The following QTMAN variants were observed in gnomAD, a reference collection of about 807,000 sequenced individuals.
QTMAN encodes the protein tRNA-queuosine alpha-mannosyltransferase.
At chr2:144,142,051 C>T in the QTMAN span, 7 of 1,607,382 alleles carry the variant, frequency 4.4e-6, no homozygotes, top group Non-Finnish European at 6.0e-6. Flanking sequence ...ACATCAGCCA[C>T]CAGGCTGTAA....
chr2:144,212,637 GTAAA>G, the QTMAN span, among the ~76,000 whole-genome samples: 2 of 152,124 alleles, frequency 1.3e-5, no homozygotes, highest in Non-Finnish European at 2.9e-5. Context: ...TAAGAAAAGA[GTAAA>G]TGGCCACTCC....
chr2:144,318,524 A>C, the QTMAN span, among the ~76,000 whole-genome samples: 1 of 152,170 alleles, frequency 6.6e-6, no homozygotes, highest in Non-Finnish European at 1.5e-5. Context: ...ATTCCACATA[A>C]AGCTATTGTA....
At chr2:144,063,008 T>C in the QTMAN span, among the ~76,000 whole-genome samples, 1 of 152,160 alleles carries the variant, frequency 6.6e-6, no homozygotes, top group Non-Finnish European at 1.5e-5. Flanking sequence ...GCTAGAGTAA[T>C]TGATTCAGAG....
chr2:144,314,835 G>T, the QTMAN span, among the ~76,000 whole-genome samples: 7 of 152,056 alleles, frequency 4.6e-5, no homozygotes, highest in Non-Finnish European at 7.4e-5. Flanking sequence ...CTTAAAAATT[G>T]GTTCACTTTA....
At chr2:144,137,733 G>A in the QTMAN span, among the ~76,000 whole-genome samples, 4 of 152,028 alleles carry the variant, frequency 2.6e-5, no homozygotes, top group Non-Finnish European at 5.9e-5. Flanking sequence ...AAGAGAGAGA[G>A]AGAGTACATG....
the QTMAN span, chr2:144,007,232 A>G: frequency 6.2e-7 from 1 of 1,611,356 alleles, no homozygotes; most frequent in Non-Finnish European, 8.5e-7. Context: ...TATCAACTCC[A>G]CCCAAAATGT....
the QTMAN span, among the ~76,000 whole-genome samples, chr2:144,158,723 T>C: frequency 6.6e-6 from 1 of 151,970 alleles, no homozygotes; most frequent in African/African-American, 2.4e-5. Flanking sequence ...TGTTTGAAAT[T>C]GTATGTGCAA....
the QTMAN span, among the ~76,000 whole-genome samples, chr2:144,196,543 A>G: frequency 6.6e-6 from 1 of 152,176 alleles, no homozygotes; most frequent in Non-Finnish European, 1.5e-5. Flanking sequence ...TTAGAAACAT[A>G]TTAGTAAATG....
the QTMAN span, among the ~76,000 whole-genome samples, chr2:144,055,713 C>T: frequency 0.059 from 8,982 of 152,012 alleles, 877 homozygotes; most frequent in African/African-American, 0.2. Context: ...TGGCAAGTAC[C>T]CTATTTCCCT....
the QTMAN span, among the ~76,000 whole-genome samples, chr2:144,209,444 A>G: frequency 1.3e-5 from 2 of 152,208 alleles, no homozygotes; most frequent in Admixed American, 1.3e-4. Context: ...TACTTTGATC[A>G]CTTCCCCACA....
the QTMAN span, among the ~76,000 whole-genome samples, chr2:144,038,297 C>T: frequency 7.4e-6 from 1 of 135,870 alleles, no homozygotes; most frequent in African/African-American, 2.5e-5. Context: ...TTGAGACATA[C>T]AGACATATAT....
chr2:144,213,545 ATTG>A, the QTMAN span, among the ~76,000 whole-genome samples: 1 of 152,138 alleles, frequency 6.6e-6, no homozygotes, highest in Non-Finnish European at 1.5e-5. Context: ...AATCAGAGGA[ATTG>A]TTGTATTAAT....
chr2:144,105,865 T>A, the QTMAN span, among the ~76,000 whole-genome samples: 1 of 152,166 alleles, frequency 6.6e-6, no homozygotes, highest in African/African-American at 2.4e-5. Context: ...AAAGGTCAGG[T>A]TAACCACAAA....
the QTMAN span, among the ~76,000 whole-genome samples, chr2:144,209,328 C>G: frequency 3.3e-5 from 5 of 152,212 alleles, no homozygotes; most frequent in Admixed American, 1.3e-4. Flanking sequence ...TCAGGTATAA[C>G]TGCCCCTAGT....
chr2:144,252,437 A>G, the QTMAN span, among the ~76,000 whole-genome samples: 1 of 152,202 alleles, frequency 6.6e-6, no homozygotes, highest in South Asian at 2.1e-4. Flanking sequence ...CTGAACAAAC[A>G]CTTCACCAAA....
the QTMAN span, among the ~76,000 whole-genome samples, chr2:143,964,575 GA>G: frequency 1.3e-5 from 2 of 152,188 alleles, no homozygotes; most frequent in Admixed American, 1.3e-4. Context: ...TTGTGTCCTA[GA>G]ACCTTTCTAG....
the QTMAN span, among the ~76,000 whole-genome samples, chr2:144,171,037 C>T: frequency 2.6e-5 from 4 of 152,232 alleles, no homozygotes; most frequent in South Asian, 4.1e-4. Context: ...TGTTCACTAG[C>T]TGTGAGACCT....
chr2:144,117,906 C>T, the QTMAN span, among the ~76,000 whole-genome samples: 1,472 of 151,718 alleles, frequency 9.7e-3, 7 homozygotes, highest in Non-Finnish European at 0.015. Context: ...AGTGCAGTGG[C>T]GCCCTCTTGG....
the QTMAN span, among the ~76,000 whole-genome samples, chr2:144,163,012 G>C: frequency 6.6e-6 from 1 of 152,006 alleles, no homozygotes; most frequent in Non-Finnish European, 1.5e-5. Context: ...ACTTGGTAGA[G>C]ACTACAAAAC....
Sources: gnomAD v4.1 joint callset for allele counts (sites outside exome capture counted in the v4.1 genomes callset) on GRCh38, gnomAD v4.1.1 for gene constraint, MANE v1.5 for transcripts, NCBI Gene and HGNC (gene_info 2026-07-23, HGNC 2026-07-21) for gene names.